TRPC5: variants seen among roughly 807,000 people sequenced by gnomAD.
TRPC5 encodes the protein transient receptor potential cation channel subfamily C member 5, also known as short transient receptor potential channel 5.
TRPC5 carries 9 observed loss-of-function variants against 56.5 expected under a neutral mutation model. The observed-to-expected ratio is 0.16, with a 90% CI of 0.10 to 0.28. The LOEUF (loss-of-function observed/expected upper bound fraction) is 0.28, where lower values mean the gene tolerates loss of function less well. Among genes scored for constraint, TRPC5 ranks in the 10% least tolerant of loss-of-function variants. The pLI is 1.00. For missense variants in TRPC5, 469 were observed against 748.9 expected, an observed-to-expected ratio of 0.63 and a Z score of 4.36; for synonymous variants, 282 against 278.5, an observed-to-expected ratio of 1.01 and a Z score of -0.13.
At chrX:111,905,864 A>T (rs559709084) in intron 3 of TRPC5, among the ~76,000 whole-genome samples, 1 of 104,167 alleles carries the variant, frequency 9.6e-6, no homozygotes, top group Non-Finnish European at 2.0e-5. Context: ...GCAGTGAGCC[A>T]AGATCGTGCC....
In TRPC5 at chrX:111,768,804, C is replaced by A. The variant is rs765071164; in HGVS notation, c.*7509G>T. ...TAATATTCATTTTGGTGTCATTGGT[C>A]CCACTTATCCTGTTAAGACACTTGA... On this transcript the variant is annotated 3_prime_UTR_variant, in exon 11 of 11. Transcript: ENST00000262839. Among the ~76,000 whole-genome samples, 1 of 111,623 alleles carries A rather than the reference C, an allele frequency of 9.0e-6. No individual in the cohort carries two copies. The highest frequency in any genetic ancestry group is 3.2e-5 in the African/African-American group (1 of 30,775).
chrX:111,784,167 T>C (rs1352812885), intron 7 of TRPC5, among the ~76,000 whole-genome samples: 1 of 111,815 alleles, frequency 8.9e-6, no homozygotes, highest in Non-Finnish European at 1.9e-5. Context: ...CATAGACCTA[T>C]ACTTAACAGA....
intron 1 of TRPC5, among the ~76,000 whole-genome samples, chrX:111,985,762 T>C (rs1186296852): frequency 2.7e-5 from 3 of 112,056 alleles, no homozygotes; most frequent in Non-Finnish European, 5.6e-5. Flanking sequence ...GACTCCGTGA[T>C]TAAGTAGTTA....
At chrX:111,878,026 A>T (rs899033984) in intron 3 of TRPC5, among the ~76,000 whole-genome samples, 10 of 111,126 alleles carry the variant, frequency 9.0e-5, no homozygotes, top group African/African-American at 3.3e-4. Flanking sequence ...AGAGAGTGGG[A>T]AGTAAAGAAG....
intron 3 of TRPC5, among the ~76,000 whole-genome samples, chrX:111,873,121 C>CA (rs201088573): frequency 0.044 from 4,887 of 112,149 alleles, 221 homozygotes; most frequent in African/African-American, 0.14. Context: ...TGCCCATCAG[C>CA]AGTGGATTGG....
chrX:112,018,655 C>T (rs1425497430), intron 1 of TRPC5, among the ~76,000 whole-genome samples: 3 of 112,291 alleles, frequency 2.7e-5, no homozygotes, highest in African/African-American at 9.7e-5. Flanking sequence ...TTTATTGCGG[C>T]ATAAAAATTA....
intron 1 of TRPC5, among the ~76,000 whole-genome samples, chrX:111,967,635 A>T (rs1037662837): frequency 1.8e-5 from 2 of 111,849 alleles, no homozygotes; most frequent in Non-Finnish European, 3.8e-5. Flanking sequence ...ATACAGATCA[A>T]TGGAACAGAA....
At chrX:112,075,275 G>A (rs1442652792) in intron 1 of TRPC5, among the ~76,000 whole-genome samples, 1 of 112,271 alleles carries the variant, frequency 8.9e-6, no homozygotes, top group East Asian at 2.8e-4. Context: ...AAGATTTGGA[G>A]GAAGAGTGAC....
At chrX:111,975,371 G>A (rs1022478562) in intron 1 of TRPC5, among the ~76,000 whole-genome samples, 67 of 108,087 alleles carry the variant, frequency 6.2e-4, no homozygotes, top group Non-Finnish European at 1.1e-3. Context: ...AACAGCAATA[G>A]CAATAAACCC....
intron 1 of TRPC5, among the ~76,000 whole-genome samples, chrX:112,044,515 C>T (rs978145179): frequency 1.8e-5 from 2 of 111,843 alleles, no homozygotes; most frequent in South Asian, 3.7e-4. Context: ...AAAATTCAAC[C>T]ATAGACTATT....
chrX:111,904,905 T>C (rs1402798460), intron 3 of TRPC5, among the ~76,000 whole-genome samples: 1 of 111,791 alleles, frequency 8.9e-6, no homozygotes, highest in Non-Finnish European at 1.9e-5. Context: ...AAGAGCTTTC[T>C]TATTCTACTT....
intron 2 of TRPC5, among the ~76,000 whole-genome samples, chrX:111,930,108 C>T (rs895838831): frequency 2.7e-5 from 3 of 111,080 alleles, no homozygotes; most frequent in Non-Finnish European, 5.7e-5. Flanking sequence ...TCAAACACTA[C>T]TCAACACTCT....
intron 2 of TRPC5, among the ~76,000 whole-genome samples, chrX:111,935,319 G>T (rs139306481): frequency 2.7e-5 from 3 of 111,015 alleles, no homozygotes; most frequent in Non-Finnish European, 5.7e-5. Flanking sequence ...AAGACTAATC[G>T]TTTTTTTTCC....
chrX:112,010,311 T>C (rs763598128), intron 1 of TRPC5, among the ~76,000 whole-genome samples: 1 of 112,269 alleles, frequency 8.9e-6, no homozygotes, highest in Admixed American at 9.4e-5. Flanking sequence ...CTCTGTGACC[T>C]TGGGCAAGTT....
chrX:111,988,536 GTAAAGATTT>G lies in TRPC5; in HGVS notation c.-21-36104_-21-36096del, dbSNP rs1248880767. ...CATGAGTTGTCACTTGAACTTGAAC[GTAAAGATTT>G]TAGGCTGGTATTCAAATATTGAGTG... On this transcript the variant is annotated intron_variant, in intron 1 of 10. Coordinates refer to ENST00000262839, the MANE Select transcript of TRPC5 (RefSeq NM_012471.3). 5.4e-5 allele frequency among the ~76,000 whole-genome samples: 6 copies of G among 110,638 alleles called. No individual in the cohort carries two copies. The East Asian group carries it at 1.7e-3, about 32-fold the overall frequency.
At chrX:111,792,190 A>G (rs1946027278) in intron 7 of TRPC5, among the ~76,000 whole-genome samples, 1 of 111,766 alleles carries the variant, frequency 8.9e-6, no homozygotes, top group Non-Finnish European at 1.9e-5. Flanking sequence ...CATCATTCTC[A>G]GCAAACTAAC....
At chrX:111,788,700 C>A (rs138006874) in intron 7 of TRPC5, among the ~76,000 whole-genome samples, 52 of 111,838 alleles carry the variant, frequency 4.6e-4, no homozygotes, top group Middle Eastern at 4.6e-3. Context: ...TAAGCTGATA[C>A]GCAACTTCAA....
chrX:111,817,162 C>A lies in TRPC5; in HGVS notation c.1896+17759G>T, dbSNP rs1459838662. On this transcript the variant is annotated intron_variant, in intron 7 of 10. Coordinates refer to ENST00000262839, the MANE Select transcript of TRPC5 (RefSeq NM_012471.3). Reference sequence around the variant, plus strand: ...TCTTCTCTACATAAGGGCTTTCTGGCCAATCTCAAACAGATGGACCAGAAA... The same window carrying A: ...TCTTCTCTACATAAGGGCTTTCTGGACAATCTCAAACAGATGGACCAGAAA... 1.5e-4 allele frequency among the ~76,000 whole-genome samples: 16 copies of A among 110,224 alleles called. No homozygotes were observed. In the Admixed American group the frequency reaches 1.6e-3, roughly 11 times the overall value.
chrX:112,062,351 A>C (rs1246783859), intron 1 of TRPC5, among the ~76,000 whole-genome samples: 1 of 112,016 alleles, frequency 8.9e-6, no homozygotes, highest in Non-Finnish European at 1.9e-5. Flanking sequence ...TGGGTACAAA[A>C]AACATTAAGA....
Sources: allele counts gnomAD v4.1 joint callset (sites outside exome capture counted in the v4.1 genomes callset), GRCh38; gene constraint gnomAD v4.1.1; transcripts MANE v1.5; gene names NCBI Gene and HGNC (gene_info 2026-07-23, HGNC 2026-07-21).